The following BTBD10 variants were observed in gnomAD, a reference collection of about 807,000 sequenced individuals.
The protein encoded by BTBD10 is BTB/POZ domain-containing protein 10.
Under a neutral mutation model 53.2 loss-of-function variants are expected in BTBD10, and 21 were observed. The ratio of observed to expected loss-of-function variants is 0.39; its 90% CI spans 0.28 to 0.57. The LOEUF is 0.57. Among genes scored for constraint, BTBD10 ranks in the 20% least tolerant of loss-of-function variants. The probability of loss-of-function intolerance (pLI) is 0.53; values close to 1 mark genes in which losing one functional copy is unlikely to be tolerated. For missense variants in BTBD10, 360 were observed against 594.7 expected, an observed-to-expected ratio of 0.61 and a Z score of 4.10; for synonymous variants, 149 against 192.7, an observed-to-expected ratio of 0.77 and a Z score of 1.88.
At chr11:13,408,200 T>G (rs1323753930) in intron 6 of BTBD10, among the ~76,000 whole-genome samples, 1 of 152,194 alleles carries the variant, frequency 6.6e-6, no homozygotes, top group African/African-American at 2.4e-5. Flanking sequence ...TAACCCGACA[T>G]ATTCCATCCT....
At chr11:13,450,283 AG>A (rs553826481) in intron 1 of BTBD10, among the ~76,000 whole-genome samples, 31 of 152,178 alleles carry the variant, frequency 2.0e-4, no homozygotes, top group Non-Finnish European at 3.8e-4. Context: ...CTATGTGGAA[AG>A]GACCAAAAGG....
At chr11:13,394,034 T>C (rs932353167) in intron 8 of BTBD10, among the ~76,000 whole-genome samples, 2 of 152,232 alleles carry the variant, frequency 1.3e-5, no homozygotes, top group African/African-American at 4.8e-5. Flanking sequence ...AATTATCATT[T>C]TGCAATCCTT....
rs751412196 is a variant in BTBD10 at position 13,419,692 on chromosome 11, C to G, written c.352G>C (p.Ala118Pro). ...SRPSSPRPQK[A>P]SPNGSISSAG... is the part of the protein sequence containing the mutation. ...CTGCTAATGGAACCATTTGGGGATG[C>G]TTTTTGAGGACGCGGACTGCTTGGA... is the stretch of plus-strand genomic sequence containing the variant. The change falls in exon 4 of 9, where the codon GCA becomes CCA. Residue 118 changes from alanine to proline, a missense_variant. This residue lies in a region of BTBD10 where 109 missense variants were observed against 118.6 expected (regional missense o/e 0.92). Transcript: ENST00000278174. 8 of 1,613,656 alleles carry G rather than the reference C, an allele frequency of 5.0e-6. No homozygotes were observed. In the South Asian group the frequency reaches 8.8e-5, roughly 18 times the overall value.
chr11:13,452,676 AAC>A (rs1469155036), intron 1 of BTBD10, among the ~76,000 whole-genome samples: 1 of 152,212 alleles, frequency 6.6e-6, no homozygotes, highest in Non-Finnish European at 1.5e-5. Flanking sequence ...CTTCTGCCAC[AAC>A]AGTGAGTAAT....
intron 5 of BTBD10, among the ~76,000 whole-genome samples, chr11:13,415,081 A>C (rs1279718713): frequency 1.1e-4 from 17 of 151,568 alleles, no homozygotes; most frequent in Non-Finnish European, 1.5e-5. Context: ...GCTGTGGCAC[A>C]AACGGTCACA....
At chr11:13,459,080 G>A (rs1287363858) in intron 1 of BTBD10, among the ~76,000 whole-genome samples, 1 of 143,804 alleles carries the variant, frequency 7.0e-6, no homozygotes, top group Non-Finnish European at 1.5e-5. Flanking sequence ...TTTTTGAGAC[G>A]GAGTCTCGCT....
chr11:13,420,678 T>C (rs1320287493), intron 3 of BTBD10, among the ~76,000 whole-genome samples: 5 of 152,150 alleles, frequency 3.3e-5, no homozygotes, highest in African/African-American at 9.7e-5. Context: ...GCATTATTGA[T>C]TGTATAATTA....
At chr11:13,436,500 C>A (rs1950545707) in intron 2 of BTBD10, among the ~76,000 whole-genome samples, 1 of 152,196 alleles carries the variant, frequency 6.6e-6, no homozygotes, top group African/African-American at 2.4e-5. Context: ...AATGCGAACA[C>A]TTGGGCATTT....
chr11:13,392,754 T>G (rs1238231522), intron 8 of BTBD10, among the ~76,000 whole-genome samples: 2 of 152,158 alleles, frequency 1.3e-5, no homozygotes, highest in Non-Finnish European at 2.9e-5. Flanking sequence ...CCCATCCAAT[T>G]AAAGACTTCA....
intron 7 of BTBD10, chr11:13,404,422 T>C: frequency 6.1e-6 from 1 of 165,262 alleles, no homozygotes; most frequent in Non-Finnish European, 1.3e-5. Flanking sequence ...AGGTTTATTA[T>C]CATTCCTTTA....
intron 8 of BTBD10, among the ~76,000 whole-genome samples, chr11:13,400,919 T>G (rs1295438327): frequency 1.3e-5 from 2 of 152,128 alleles, no homozygotes; most frequent in Non-Finnish European, 2.9e-5. Context: ...ATTGAGAAAT[T>G]TGACAAAACA....
At chr11:13,390,098 ATT>A (rs1949368087) in intron 8 of BTBD10, among the ~76,000 whole-genome samples, 4 of 151,970 alleles carry the variant, frequency 2.6e-5, no homozygotes, top group Admixed American at 1.3e-4. Context: ...GAAAAAAAAA[ATT>A]AGTTATTTAC....
At chr11:13,430,495 T>C (rs963282287) in intron 2 of BTBD10, among the ~76,000 whole-genome samples, 1 of 152,164 alleles carries the variant, frequency 6.6e-6, no homozygotes, top group Non-Finnish European at 1.5e-5. Context: ...AAACATACTC[T>C]AGCCATATGA....
intron 5 of BTBD10, 36 bp from the exon 6 acceptor site, chr11:13,413,686 T>C: frequency 6.3e-7 from 1 of 1,591,748 alleles, no homozygotes; most frequent in Non-Finnish European, 8.5e-7. Flanking sequence ...ATAAAATATC[T>C]GGAGCATAAG....
intron 5 of BTBD10, among the ~76,000 whole-genome samples, chr11:13,413,988 T>C (rs984338464): frequency 2.6e-5 from 4 of 152,252 alleles, no homozygotes; most frequent in East Asian, 1.9e-4. Flanking sequence ...CTACAAGTTA[T>C]ATTTCTACGA....
At position 13,413,670 on chromosome 11, in the gene BTBD10, G is replaced by A. The variant is rs1048599404; in HGVS notation, c.688-20C>T. 6.3e-7 allele frequency: 1 copy of A among 1,599,574 alleles called. No individual in the cohort carries two copies. Among genetic ancestry groups the A allele is most frequent in the African/African-American group, 1.3e-5 (1 of 74,286 alleles). On this transcript the variant is annotated intron_variant, in intron 5 of 8. Coordinates refer to ENST00000278174, the MANE Select transcript of BTBD10 (RefSeq NM_032320.7). ...GTAATCCTGGAAAAAGAAAAGTAAAGAAAGCATAAAATATCTGGAGCATAA... is the reference window on the plus strand; with the variant it reads ...GTAATCCTGGAAAAAGAAAAGTAAAAAAAGCATAAAATATCTGGAGCATAA...
intron 2 of BTBD10, among the ~76,000 whole-genome samples, chr11:13,436,529 T>A (rs1950546231): frequency 1.3e-5 from 2 of 152,166 alleles, no homozygotes; most frequent in South Asian, 4.1e-4. Context: ...ACTGAGCACC[T>A]TAATCCTCAA....
chr11:13,395,242 G>T (rs1426096498), intron 8 of BTBD10, among the ~76,000 whole-genome samples: 1 of 151,792 alleles, frequency 6.6e-6, no homozygotes, highest in Non-Finnish European at 1.5e-5. Context: ...ATTCTAACTG[G>T]TGTGAGATGG....
In BTBD10 at chr11:13,417,207, T is replaced by C; in HGVS notation, c.638A>G (p.Glu213Gly). Residue 213 changes from glutamate to glycine, a missense_variant, in exon 5 of 9, where the codon GAG becomes GGG. By Grantham distance (98) the Glu-to-Gly change is moderately conservative. Transcript: ENST00000278174. ...ACCAATTCCCTCTGCCACCTCATAC[T>C]CTCCTTTCTCATTGGGTCGTGTAAA... is the stretch of plus-strand genomic sequence containing the variant. Reference protein sequence around the residue: ...HNFTRPNEKGEYEVAEGIGST... With the variant: ...HNFTRPNEKGGYEVAEGIGST... 1 of 1,613,316 alleles carries C rather than the reference T, an allele frequency of 6.2e-7. No homozygotes were observed. The highest frequency in any genetic ancestry group is 8.5e-7 in the Non-Finnish European group (1 of 1,179,726).
Sources: allele counts gnomAD v4.1 joint callset (sites outside exome capture counted in the v4.1 genomes callset), GRCh38; gene constraint gnomAD v4.1.1; regional missense constraint gnomAD v4.1.1; transcripts MANE v1.5; gene names NCBI Gene and HGNC (gene_info 2026-07-23, HGNC 2026-07-21).